PLD3: variants seen among roughly 807,000 people sequenced by gnomAD.
PLD3 encodes the protein 5'-3' exonuclease PLD3.
In PLD3, 31 loss-of-function variants were observed where a neutral mutation model predicts 58.4. The ratio of observed to expected loss-of-function variants is 0.53; its 90% confidence interval spans 0.40 to 0.72. PLD3 has a LOEUF of 0.72. Among genes scored for constraint, PLD3 ranks in the 30% least tolerant of loss-of-function variants. The pLI is 0.00. For synonymous variants in PLD3, 264 were observed against 273.4 expected, an observed-to-expected ratio of 0.97 and a Z score of 0.34; for missense variants, 595 against 659.8, an observed-to-expected ratio of 0.90 and a Z score of 1.08.
chr19:40,366,156 A>T (rs2078916495), intron 2 of PLD3: 1 of 428,080 alleles, frequency 2.3e-6, no homozygotes, highest in Middle Eastern at 6.6e-4. Context: ...AGGAGGGAGA[A>T]GGGGGCTGCT....
At chr19:40,359,661 C>T (rs45441197) in intron 1 of PLD3, 22,242 of 151,946 alleles carry the variant, frequency 0.15, 2,110 homozygotes, top group African/African-American at 0.27. Context: ...ATTTAGTTTC[C>T]ATAGAAGTTA....
chr19:40,354,143 G>A (rs527598773), intron 1 of PLD3, among the ~76,000 whole-genome samples: 1 of 146,676 alleles, frequency 6.8e-6, no homozygotes, highest in South Asian at 2.2e-4. Flanking sequence ...GCGCGATCTC[G>A]GCTCACTGCA....
chr19:40,357,793 A>T (rs1328975401), intron 1 of PLD3: 2 of 152,224 alleles, frequency 1.3e-5, no homozygotes, highest in East Asian at 3.8e-4. Flanking sequence ...TGTGATTAAA[A>T]TGTATACAAG....
chr19:40,367,514 G>A (rs1252333179), intron 5 of PLD3, 182 bp from the exon 6 acceptor site: 4 of 529,624 alleles, frequency 7.6e-6, no homozygotes, highest in East Asian at 5.8e-5. Context: ...CCAGGGGTTC[G>A]AGGCTGCAGT....
In PLD3 at chr19:40,371,793, C is replaced by T. The variant is rs62107638; in HGVS notation, c.799C>T (p.Arg267Trp). 4.3e-6 allele frequency: 7 copies of T among 1,614,100 alleles called. No individual in the cohort carries two copies. The highest frequency in any genetic ancestry group is 2.2e-5 in the East Asian group (1 of 44,878). Residue 267 changes from arginine (R) to tryptophan (W), a missense_variant, in exon 9 of 13, where the codon CGG (arginine) becomes TGG (tryptophan). Coordinates refer to ENST00000409735, the MANE Select transcript of PLD3 (RefSeq NM_012268.4). The stretch of plus-strand genomic sequence containing the variant: ...CAGCTCCATCCCATCAACTTGGCCC[C>T]GGTTCTATGACACCCGCTACAACCA... ...AGSSIPSTWPRFYDTRYNQET... is the reference protein window; with the variant it reads ...AGSSIPSTWPWFYDTRYNQET...
intron 6 of PLD3, among the ~76,000 whole-genome samples, chr19:40,368,334 G>T (rs2078980680): frequency 6.6e-6 from 1 of 152,194 alleles, no homozygotes; most frequent in South Asian, 2.1e-4. Flanking sequence ...TTGTGAGGAT[G>T]AAATGGACTA....
At chr19:40,353,220 A>G (rs938041059) in intron 1 of PLD3, among the ~76,000 whole-genome samples, 1 of 152,200 alleles carries the variant, frequency 6.6e-6, no homozygotes, top group Non-Finnish European at 1.5e-5. Context: ...ACTCGAGGTC[A>G]GGAGTTCGAG....
intron 1 of PLD3, among the ~76,000 whole-genome samples, chr19:40,361,983 C>T (rs551093579): frequency 6.6e-6 from 1 of 152,140 alleles, no homozygotes; most frequent in East Asian, 1.9e-4. Context: ...ATTACAGGCG[C>T]CCTCCAACAC....
intron 1 of PLD3, among the ~76,000 whole-genome samples, chr19:40,351,063 C>T (rs150360846): frequency 6.6e-6 from 1 of 151,640 alleles, no homozygotes; most frequent in Non-Finnish European, 1.5e-5. Flanking sequence ...CATAGCGAAA[C>T]CCCATCTCTA....
At chr19:40,377,943 G>A (rs756588775) in intron 12 of PLD3, 43 bp from the exon 13 acceptor site, 18 of 1,611,826 alleles carry the variant, frequency 1.1e-5, no homozygotes, top group East Asian at 4.5e-5. Context: ...CACCAGGGGC[G>A]GCCCCCCGAG....
chr19:40,365,301 C>A (rs911665423), intron 1 of PLD3, among the ~76,000 whole-genome samples: 9 of 152,108 alleles, frequency 5.9e-5, no homozygotes, highest in Admixed American at 3.3e-4. Flanking sequence ...TGGGGTGGAT[C>A]GGAAAATAAA....
chr19:40,377,430 C>T (rs12978012), intron 11 of PLD3, among the ~76,000 whole-genome samples: 1,704 of 97,172 alleles, frequency 0.018, 127 homozygotes, highest in Admixed American at 0.13. Flanking sequence ...GGGCCAGGGT[C>T]GGGGGGCACA....
At chr19:40,367,227 C>G in intron 5 of PLD3, 1 of 351,504 alleles carries the variant, frequency 2.8e-6, no homozygotes, top group Non-Finnish European at 5.1e-6. Flanking sequence ...ATCATGAGTC[C>G]AGGCACGCAT....
chr19:40,364,241 C>T (rs1332495231), intron 1 of PLD3, among the ~76,000 whole-genome samples: 3 of 152,018 alleles, frequency 2.0e-5, no homozygotes, highest in Non-Finnish European at 4.4e-5. Context: ...GTAATCCCAG[C>T]TACTCGGGAG....
intron 1 of PLD3, among the ~76,000 whole-genome samples, chr19:40,352,232 C>T (rs2078536524): frequency 6.6e-6 from 1 of 152,138 alleles, no homozygotes; most frequent in Non-Finnish European, 1.5e-5. Flanking sequence ...GAGATCACAC[C>T]ACTTCACTCC....
At chr19:40,372,049 T>A (rs1173791123) in intron 9 of PLD3, among the ~76,000 whole-genome samples, 176 bp downstream of exon 9, 1 of 152,168 alleles carries the variant, frequency 6.6e-6, no homozygotes, top group Non-Finnish European at 1.5e-5. Context: ...TCGGCCTCTA[T>A]TTCAGTTAGA....
chr19:40,349,423 G>A (rs1284350135), intron 1 of PLD3, among the ~76,000 whole-genome samples: 4 of 151,972 alleles, frequency 2.6e-5, no homozygotes, highest in Non-Finnish European at 5.9e-5. Context: ...TCATTTCCCC[G>A]TGTCACATCT....
At chr19:40,371,067 A>G (rs1344889258) in intron 8 of PLD3, among the ~76,000 whole-genome samples, 1 of 152,206 alleles carries the variant, frequency 6.6e-6, no homozygotes, top group Admixed American at 6.5e-5. Context: ...CAAAGGAGGT[A>G]TAACTAATCT....
At chr19:40,367,606 C>G in intron 5 of PLD3, 90 bp from the exon 6 acceptor site, 3 of 1,132,084 alleles carry the variant, frequency 2.6e-6, no homozygotes, top group Non-Finnish European at 3.8e-6. Flanking sequence ...TACAGTCTAT[C>G]CAACACACCC....
Sources: gnomAD v4.1 joint callset for allele counts (sites outside exome capture counted in the v4.1 genomes callset) on GRCh38, gnomAD v4.1.1 for gene constraint, MANE v1.5 for transcripts, NCBI Gene and HGNC (gene_info 2026-07-23, HGNC 2026-07-21) for gene names.